CCDC7: variants seen among roughly 807,000 people sequenced by gnomAD.
The protein encoded by CCDC7 is coiled-coil domain containing 7.
In CCDC7, 183 loss-of-function variants were observed where a neutral mutation model predicts 196.9. That is an observed-to-expected ratio of 0.93 (90% CI 0.82 to 1.05). The LOEUF (loss-of-function observed/expected upper bound fraction) is 1.05, where lower values mean the gene tolerates loss of function less well. CCDC7 is among the 50% of genes least tolerant of loss of function. CCDC7 has a pLI of 0.00. For missense variants in CCDC7, 1,540 were observed against 1,482.2 expected (o/e 1.04, Z -0.64); for synonymous variants, 525 against 484.6 (o/e 1.08, Z -1.10).
At chr10:32,466,486 A>C (rs60910583) in intron 5 of CCDC7, among the ~76,000 whole-genome samples, 13,410 of 152,068 alleles carry the variant, frequency 0.088, 859 homozygotes, top group East Asian at 0.33. Context: ...ATGAGTTCTC[A>C]TCATTTAGCT....
intron 20 of CCDC7, among the ~76,000 whole-genome samples, chr10:32,635,715 T>C (rs2065518575): frequency 6.6e-6 from 1 of 151,844 alleles, no homozygotes; most frequent in Non-Finnish European, 1.5e-5. Context: ...TTCTGATTGG[T>C]ATTTGCATGA....
intron 13 of CCDC7, among the ~76,000 whole-genome samples, chr10:32,560,265 A>G (rs2055223427): frequency 6.6e-6 from 1 of 152,250 alleles, no homozygotes; most frequent in Admixed American, 6.5e-5. Context: ...ATTATCCAGG[A>G]GAACTTCCCC....
intron 28 of CCDC7, among the ~76,000 whole-genome samples, chr10:32,754,879 C>T (rs1159459191): frequency 3.3e-5 from 5 of 152,100 alleles, no homozygotes; most frequent in East Asian, 3.9e-4. Context: ...AAAGGGAAGC[C>T]GTGACAGATG....
chr10:32,714,710 G>A lies in CCDC7; in HGVS notation c.2569+2980G>A, dbSNP rs181923352. Reference sequence around the variant, plus strand: ...ACCTGGGATGCTCAAGCTTGGTGGGGGGAGGGGTGTCGCCATTACTGAGGC... The same window carrying A: ...ACCTGGGATGCTCAAGCTTGGTGGGAGGAGGGGTGTCGCCATTACTGAGGC... On this transcript the variant is annotated intron_variant, in intron 25 of 41. Coordinates refer to ENST00000639629, the Ensembl canonical transcript of CCDC7. Among the ~76,000 whole-genome samples the A allele has an allele frequency of 1.6e-4, 25 of 152,298 alleles. No homozygotes were observed. In the East Asian group the frequency reaches 4.6e-3, roughly 28 times the overall value.
At chr10:32,530,012 A>G (rs1589574219) in intron 11 of CCDC7, among the ~76,000 whole-genome samples, 1 of 152,096 alleles carries the variant, frequency 6.6e-6, no homozygotes, top group African/African-American at 2.4e-5. Context: ...TCCCAGCACC[A>G]TTTGTTGAAT....
At chr10:32,763,784 A>C (rs1334631795) in intron 28 of CCDC7, among the ~76,000 whole-genome samples, 2 of 151,916 alleles carry the variant, frequency 1.3e-5, no homozygotes, top group African/African-American at 4.8e-5. Context: ...TATTCATAGA[A>C]GTGGAAGGTA....
chr10:32,643,054 T>G (rs1014551975), intron 20 of CCDC7, among the ~76,000 whole-genome samples: 3 of 152,240 alleles, frequency 2.0e-5, no homozygotes, highest in Admixed American at 6.5e-5. Flanking sequence ...TAAAGTAGTA[T>G]TTATTTTTTG....
intron 21 of CCDC7, among the ~76,000 whole-genome samples, chr10:32,666,535 C>G (rs1370137103): frequency 7.3e-6 from 1 of 136,312 alleles, no homozygotes; most frequent in African/African-American, 2.7e-5. Flanking sequence ...CCTCCCCCCA[C>G]CCCATGATAG....
intron 18 of CCDC7, among the ~76,000 whole-genome samples, chr10:32,610,935 C>A (rs748977124): frequency 6.6e-6 from 1 of 152,150 alleles, no homozygotes; most frequent in Non-Finnish European, 1.5e-5. Flanking sequence ...TGAGTATATA[C>A]CCAGTAATGG....
intron 9 of CCDC7, among the ~76,000 whole-genome samples, chr10:32,497,920 G>A (rs3006712): frequency 0.92 from 140,717 of 152,156 alleles, 66,018 homozygotes; most frequent in East Asian, 1. Flanking sequence ...TGCTTGGTCT[G>A]GAGCTGAGTT....
chr10:32,626,568 G>A (rs1030839038), intron 18 of CCDC7, among the ~76,000 whole-genome samples: 9 of 151,810 alleles, frequency 5.9e-5, no homozygotes, highest in Admixed American at 5.9e-4. Context: ...TCAATTTTAT[G>A]TAATCACACT....
upstream of CCDC7, among the ~76,000 whole-genome samples, chr10:32,450,098 C>A (rs545039537): frequency 5.9e-5 from 9 of 152,304 alleles, no homozygotes; most frequent in Non-Finnish European, 1.3e-4. Flanking sequence ...CTTAGAACAA[C>A]AGAAATTTAT....
At chr10:32,871,267 T>G (rs1385100831) in intron 41 of CCDC7, among the ~76,000 whole-genome samples, 5 of 152,154 alleles carry the variant, frequency 3.3e-5, no homozygotes, top group Non-Finnish European at 4.4e-5. Flanking sequence ...AATTATTGCC[T>G]CAATTTCAGA....
At chr10:32,726,012 C>T (rs1383716468) in intron 25 of CCDC7, among the ~76,000 whole-genome samples, 1 of 152,090 alleles carries the variant, frequency 6.6e-6, no homozygotes, top group Non-Finnish European at 1.5e-5. Context: ...TCTTTGTATT[C>T]CCATCCTTTT....
At chr10:32,761,857 C>G (rs1175485818) in intron 28 of CCDC7, among the ~76,000 whole-genome samples, 1 of 151,942 alleles carries the variant, frequency 6.6e-6, no homozygotes, top group Non-Finnish European at 1.5e-5. Flanking sequence ...TCCTCCTTGC[C>G]TTTGGAAGCA....
chr10:32,615,085 G>C (rs1375805938), intron 18 of CCDC7, among the ~76,000 whole-genome samples: 1 of 152,104 alleles, frequency 6.6e-6, no homozygotes, highest in Non-Finnish European at 1.5e-5. Context: ...CTCTGTTGAT[G>C]GACACAGGTT....
At chr10:32,457,610 A>G (rs1353778601) in intron 3 of CCDC7, among the ~76,000 whole-genome samples, 2 of 151,980 alleles carry the variant, frequency 1.3e-5, no homozygotes, top group Non-Finnish European at 2.9e-5. Context: ...ACTCCATGCT[A>G]TTTTTCATTA....
chr10:32,472,614 A>G, intron 7 of CCDC7, 72 bp downstream of exon 8: 2 of 1,345,654 alleles, frequency 1.5e-6, no homozygotes, highest in Non-Finnish European at 2.0e-6. Flanking sequence ...TATCTTTTAA[A>G]GAGAGGGTCT....
intron 9 of CCDC7, chr10:32,499,377 A>G (rs1160333046): frequency 6.6e-6 from 1 of 152,126 alleles, no homozygotes; most frequent in Non-Finnish European, 1.5e-5. Flanking sequence ...AATTTATCAG[A>G]AGGAGTTTTG....
Sources: gnomAD v4.1 joint callset for allele counts (sites outside exome capture counted in the v4.1 genomes callset) on GRCh38, gnomAD v4.1.1 for gene constraint, MANE v1.5 for transcripts, NCBI Gene and HGNC (gene_info 2026-07-23, HGNC 2026-07-21) for gene names.